Variants in MTDH observed in about 807,000 individuals in gnomAD.
MTDH encodes protein LYRIC.
In MTDH, 34 loss-of-function variants were observed where a neutral mutation model predicts 72.7. That is an observed-to-expected ratio of 0.47 (90% CI 0.36 to 0.62). MTDH has a LOEUF of 0.62. Ranked by LOEUF, MTDH falls within the 20% of genes least tolerant of loss-of-function variation. MTDH has a pLI of 0.00. For missense variants in MTDH, 677 were observed against 699.4 expected, an observed-to-expected ratio of 0.97 and a Z score of 0.36; for synonymous variants, 266 against 268.9, an observed-to-expected ratio of 0.99 and a Z score of 0.10.
At chr8:97,724,031 C>T (rs1315137435) in intron 11 of MTDH, among the ~76,000 whole-genome samples, 2 of 152,172 alleles carry the variant, frequency 1.3e-5, no homozygotes, top group African/African-American at 2.4e-5. Context: ...ATCGCTTGAA[C>T]GCGGGAGGCG....
In MTDH at chr8:97,709,356, A is replaced by G. The variant is rs1297420846; in HGVS notation, c.1272+2606A>G. 3.9e-5 allele frequency among the ~76,000 whole-genome samples: 6 copies of G among 152,208 alleles called. No homozygotes were observed. In the East Asian group the frequency reaches 5.8e-4, roughly 15 times the overall value. On this transcript the variant is annotated intron_variant, in intron 8 of 11. Transcript: ENST00000336273. ...TCTTAGAAGTACAATATCGTAATATATAATACCTTAATACATAGTGATCAT... is the reference window on the plus strand; with the variant it reads ...TCTTAGAAGTACAATATCGTAATATGTAATACCTTAATACATAGTGATCAT...
At chr8:97,714,863 T>C (rs1246712676) in intron 9 of MTDH, among the ~76,000 whole-genome samples, 1 of 152,162 alleles carries the variant, frequency 6.6e-6, no homozygotes, top group Non-Finnish European at 1.5e-5. Context: ...TCTTGTTCTG[T>C]TGCCCAGGCT....
Position 97,729,087 on chromosome 8 carries a change from A to ATT in MTDH, c.*4434_*4435dup, listed in dbSNP as rs36070456. Among the ~76,000 whole-genome samples the ATT allele has an allele frequency of 4.9e-4, 67 of 138,034 alleles. 1 individual carries two copies. The highest frequency in any genetic ancestry group is 1.7e-3 in the African/African-American group (61 of 36,326). 90.6% of individuals were successfully genotyped at this position (138,034 alleles called of 152,430 possible). A position where few individuals can be genotyped will look rare whatever the true frequency, so the allele number is the denominator to read the frequency against. ...GGTACACACCACCATGCCTGGCTAA[A>ATT]TTTTTTTTTTTTTTTTTTGGTAGAG... On this transcript the variant is annotated 3_prime_UTR_variant, in exon 12 of 12. Coordinates refer to ENST00000336273, the MANE Select transcript of MTDH (RefSeq NM_178812.4).
intron 4 of MTDH, 135 bp downstream of exon 4, chr8:97,687,740 A>G: frequency 1.4e-6 from 1 of 718,860 alleles, no homozygotes. Context: ...TCTTCATGAG[A>G]GTATTGTGAA....
At chr8:97,720,186 G>A (rs1301394752) in intron 10 of MTDH, among the ~76,000 whole-genome samples, 1 of 152,166 alleles carries the variant, frequency 6.6e-6, no homozygotes, top group Admixed American at 6.5e-5. Flanking sequence ...CCAAGAGGCT[G>A]AGGCAGGAGA....
rs1586246560 is a variant in MTDH at position 97,687,615 on chromosome 8, T to C, written c.745+10T>C. The C allele has an allele frequency of 1.3e-6, 2 of 1,588,846 alleles. No individual in the cohort carries two copies. The highest frequency in any genetic ancestry group is 4.5e-5 in the East Asian group (2 of 44,336). On this transcript the variant is annotated intron_variant, in intron 4 of 11. Coordinates refer to ENST00000336273, the MANE Select transcript of MTDH (RefSeq NM_178812.4). ...TCCAAGAAGAATAAAGGTATATTAG[T>C]GGAACATAAGACAGTGGTACATCAA...
chr8:97,668,998 T>A (rs1364690042), intron 2 of MTDH, among the ~76,000 whole-genome samples: 1 of 152,154 alleles, frequency 6.6e-6, no homozygotes, highest in Non-Finnish European at 1.5e-5. Flanking sequence ...CCCTGCCTTG[T>A]CTCATCTCCC....
chr8:97,662,432 G>T (rs1812210107), intron 2 of MTDH, among the ~76,000 whole-genome samples: 1 of 151,918 alleles, frequency 6.6e-6, no homozygotes, highest in Non-Finnish European at 1.5e-5. Flanking sequence ...TCACTGATCG[G>T]TAAGTGGTTT....
intron 8 of MTDH, among the ~76,000 whole-genome samples, chr8:97,710,365 T>TAA (rs2131058798): frequency 6.6e-6 from 1 of 152,264 alleles, no homozygotes; most frequent in Admixed American, 6.5e-5. Flanking sequence ...CATAGAAAGT[T>TAA]AAACTACAGT....
chr8:97,699,704 T>C (rs1412613158), intron 6 of MTDH, 50 bp from the exon 7 acceptor site: 1 of 1,240,662 alleles, frequency 8.1e-7, no homozygotes, highest in Admixed American at 1.7e-5. Context: ...TTATGAAACA[T>C]CATTAGGAAA....
chr8:97,677,180 CAAAAAAAAAAAAAAAAAAA>C (rs71271142), intron 2 of MTDH, among the ~76,000 whole-genome samples: 4 of 44,108 alleles, frequency 9.1e-5, no homozygotes, highest in African/African-American at 4.4e-4. Flanking sequence ...AAGCCTGTCT[CAAAAAAAAAAAAAAAAAAA>C]AAAAAAAAAA....
rs1815337029 is a variant in MTDH, at chr8:97,726,022, G to GT, written c.*1355dup. The GT allele has an allele frequency of 6.6e-6, 1 of 152,576 alleles. No individual in the cohort carries two copies. Among genetic ancestry groups the GT allele is most frequent in the Non-Finnish European group, 1.5e-5 (1 of 68,024 alleles). The allele number at this position is 152,576 out of a possible 1,614,324, so 9.5% of individuals were successfully genotyped here. A position where few individuals can be genotyped will look rare whatever the true frequency, so the allele number is the denominator to read the frequency against. ...TTTATGTGGCGCCAAGAACGAACCT[G>GT]TTTAACAGCTGTAACCAATGGTACT... On this transcript the variant is annotated 3_prime_UTR_variant, in exon 12 of 12. Transcript: ENST00000336273.
intron 1 of MTDH, among the ~76,000 whole-genome samples, chr8:97,659,807 AG>A (rs1812111095): frequency 6.6e-6 from 1 of 152,208 alleles, no homozygotes; most frequent in Non-Finnish European, 1.5e-5. Context: ...ACAGATACCT[AG>A]GCCCCATTCT....
chr8:97,644,685 G>GGCT lies in MTDH; in HGVS notation c.190_192dup (p.Leu64dup), dbSNP rs1563514259. The GGCT allele has an allele frequency of 3.1e-6, 5 of 1,604,226 alleles. No homozygotes were observed. Among genetic ancestry groups the GGCT allele is most frequent in the South Asian group, 2.2e-5 (2 of 90,120 alleles). ...ATCCTGGTGGGCACTGGCGCGCTCG[G>GGCT]GCTGCTGCTGCTGTTTCTGCTGGGC... On this transcript the variant is annotated inframe_insertion, in exon 1 of 12. Coordinates refer to ENST00000336273, the MANE Select transcript of MTDH (RefSeq NM_178812.4).
chr8:97,712,055 T>C (rs1274492077), intron 8 of MTDH, among the ~76,000 whole-genome samples: 5 of 152,220 alleles, frequency 3.3e-5, no homozygotes, highest in African/African-American at 1.2e-4. Flanking sequence ...TTCATTTGAT[T>C]GAGATGGAGT....
At chr8:97,688,472 G>A (rs1476755454) in intron 4 of MTDH, among the ~76,000 whole-genome samples, 1 of 152,036 alleles carries the variant, frequency 6.6e-6, no homozygotes, top group African/African-American at 2.4e-5. Context: ...TCGCTGTCTT[G>A]TGCATGCCAT....
At chr8:97,703,724 A>AT (rs1348797228) in intron 7 of MTDH, among the ~76,000 whole-genome samples, 2 of 152,234 alleles carry the variant, frequency 1.3e-5, no homozygotes, top group Non-Finnish European at 2.9e-5. Context: ...GTTCATCAGA[A>AT]TTGTGAGAAA....
rs369693601 is a variant in MTDH, at chr8:97,724,661, A to G, written c.1740A>G (p.Arg580=). 2.5e-6 allele frequency: 4 copies of G among 1,594,842 alleles called. No homozygotes were observed. In the African/African-American group the frequency reaches 5.4e-5, roughly 22 times the overall value. ...TAAAAAAGAAGAAAAAAGCCAGACG[A>G]GAAACGTGAAATTTTTTTTCCTGAA... ...KQIKKKKKAR[R]ET The change falls in exon 12 of 12, where the codon CGA becomes CGG. Residue 580 remains arginine, a synonymous_variant. Transcript: ENST00000336273.
chr8:97,658,033 A>C lies in MTDH; in HGVS notation c.382-3039A>C, dbSNP rs1244218778. On this transcript the variant is annotated intron_variant, in intron 1 of 11. Transcript: ENST00000336273. ...ACACATTGGCTCTGCTGTATGAAGG[A>C]GAATCACCTCAGTGTATTCTTTTTT... Among the ~76,000 whole-genome samples, 3 of 152,292 alleles carry C rather than the reference A, an allele frequency of 2.0e-5. No individual in the cohort carries two copies. The East Asian group carries it at 5.8e-4, about 29-fold the overall frequency.
Sources: allele counts gnomAD v4.1 joint callset (sites outside exome capture counted in the v4.1 genomes callset), GRCh38; gene constraint gnomAD v4.1.1; transcripts MANE v1.5; gene names NCBI Gene and HGNC (gene_info 2026-07-23, HGNC 2026-07-21).